Variants in ZNF385D observed in about 807,000 individuals in gnomAD.
ZNF385D encodes the protein zinc finger protein 385D.
ZNF385D carries 15 observed loss-of-function variants against 35.8 expected under a neutral mutation model. That is an observed-to-expected ratio of 0.42 (90% CI 0.28 to 0.64). The LOEUF is 0.64. ZNF385D is among the 30% of genes least tolerant of loss of function. ZNF385D has a pLI of 0.23. For synonymous variants in ZNF385D, 212 were observed against 186.8 expected (o/e 1.13, Z -1.10); for missense variants, 474 against 494.6 (o/e 0.96, Z 0.39).
intron 2 of ZNF385D, among the ~76,000 whole-genome samples, chr3:22,369,582 T>G (rs910418731): frequency 3.9e-5 from 6 of 152,144 alleles, no homozygotes; most frequent in Admixed American, 6.5e-5. Context: ...ATCGTTAATT[T>G]CCCCAAGATT....
chr3:21,899,161 C>A (rs1305565330), intron 3 of ZNF385D, among the ~76,000 whole-genome samples: 2 of 151,994 alleles, frequency 1.3e-5, no homozygotes, highest in African/African-American at 4.8e-5. Flanking sequence ...CATATAGCAT[C>A]TAGATGCCAA....
At chr3:21,561,020 C>G (rs11915728) in intron 3 of ZNF385D, among the ~76,000 whole-genome samples, 1 of 152,172 alleles carries the variant, frequency 6.6e-6, no homozygotes, top group Non-Finnish European at 1.5e-5. Flanking sequence ...CATCCCAGGT[C>G]GACCTCAGAC....
chr3:21,531,228 T>C (rs1446110605), intron 3 of ZNF385D, among the ~76,000 whole-genome samples: 1 of 152,150 alleles, frequency 6.6e-6, no homozygotes, highest in African/African-American at 2.4e-5. Context: ...CCTATCAGAA[T>C]GGTCAAAATT....
intron 3 of ZNF385D, among the ~76,000 whole-genome samples, chr3:22,121,639 G>C (rs1703092304): frequency 6.7e-6 from 1 of 149,974 alleles, no homozygotes; most frequent in South Asian, 2.1e-4. Context: ...TCCTGGGCTT[G>C]CAAAACTTAG....
At chr3:21,717,927 C>G (rs2125438828) in intron 1 of ZNF385D, among the ~76,000 whole-genome samples, 1 of 152,258 alleles carries the variant, frequency 6.6e-6, no homozygotes, top group South Asian at 2.1e-4. Flanking sequence ...CAAAGCTTCT[C>G]AAATTCTCGT....
chr3:22,162,649 G>C (rs975313474), intron 3 of ZNF385D, among the ~76,000 whole-genome samples: 3 of 152,152 alleles, frequency 2.0e-5, no homozygotes, highest in Non-Finnish European at 2.9e-5. Context: ...GCAGTAGGCA[G>C]CCATTCTTTC....
intron 3 of ZNF385D, among the ~76,000 whole-genome samples, chr3:21,817,336 G>A (rs564591622): frequency 6.6e-6 from 1 of 152,134 alleles, no homozygotes; most frequent in African/African-American, 2.4e-5. Flanking sequence ...AGACAAATGG[G>A]ATCTAATTAA....
chr3:21,825,512 G>T (rs538917764), intron 3 of ZNF385D, among the ~76,000 whole-genome samples: 1 of 143,722 alleles, frequency 7.0e-6, no homozygotes, highest in African/African-American at 2.6e-5. Context: ...AGGTGGTTCC[G>T]GGGTTCTTTC....
intron 3 of ZNF385D, among the ~76,000 whole-genome samples, chr3:21,807,408 C>T (rs930944915): frequency 6.6e-6 from 1 of 152,046 alleles, no homozygotes; most frequent in Admixed American, 6.6e-5. Flanking sequence ...ATGGTGTAAA[C>T]AATTGCAATC....
At chr3:22,210,059 G>C (rs565412463) in intron 2 of ZNF385D, among the ~76,000 whole-genome samples, 1 of 151,600 alleles carries the variant, frequency 6.6e-6, no homozygotes, top group Admixed American at 6.6e-5. Context: ...TGAAATAAAA[G>C]AAACCTATAG....
At chr3:21,456,072 A>G (rs1038699710) in intron 4 of ZNF385D, among the ~76,000 whole-genome samples, 12 of 152,220 alleles carry the variant, frequency 7.9e-5, no homozygotes, top group African/African-American at 2.9e-4. Context: ...TGTTCATTAA[A>G]AAGTCAGGAA....
At position 22,091,948 on chromosome 3, in the gene ZNF385D, A is replaced by G. The variant is rs548106314; in HGVS notation, c.325+76869T>C. The stretch of plus-strand genomic sequence containing the variant: ...GAGTAATTAATATAGCTAGTAATGG[A>G]TACAATGACTGTTGGGACTGTGTCA... On this transcript the variant is annotated intron_variant, in intron 3 of 5. Transcript: ENST00000494108. Among the ~76,000 whole-genome samples, 3 of 152,308 alleles carry G rather than the reference A, an allele frequency of 2.0e-5. No homozygotes were observed. The East Asian group carries it at 5.8e-4, about 29-fold the overall frequency.
At chr3:22,114,120 A>G (rs1384138541) in intron 3 of ZNF385D, among the ~76,000 whole-genome samples, 1 of 152,138 alleles carries the variant, frequency 6.6e-6, no homozygotes, top group Non-Finnish European at 1.5e-5. Context: ...GAAAATTTAC[A>G]GTAACTGGAT....
chr3:21,485,005 C>A (rs1309808499), intron 4 of ZNF385D, among the ~76,000 whole-genome samples: 1 of 152,130 alleles, frequency 6.6e-6, no homozygotes, highest in Non-Finnish European at 1.5e-5. Flanking sequence ...GACAGTCCTA[C>A]CTCTCTCCCT....
chr3:21,772,188 C>G (rs181200787), intron 3 of ZNF385D, among the ~76,000 whole-genome samples: 1 of 151,918 alleles, frequency 6.6e-6, no homozygotes, highest in East Asian at 1.9e-4. Flanking sequence ...TTGGATATCA[C>G]AGAAAAGGCA....
chr3:21,896,199 G>A lies in ZNF385D; in HGVS notation c.326-231171C>T, dbSNP rs111290513. Among the ~76,000 whole-genome samples, 3 of 152,152 alleles carry A rather than the reference G, an allele frequency of 2.0e-5. 1 individual carries two copies. The highest frequency in any genetic ancestry group is 7.2e-5 in the African/African-American group (3 of 41,500). On this transcript the variant is annotated intron_variant, in intron 3 of 5. Coordinates refer to the ZNF385D transcript ENST00000494108. ...ATGGAAACCAGAAAAAAAGAAGCTT[G>A]GGATGCCTGTAATTACATCACCTGA... is the stretch of plus-strand genomic sequence containing the variant.
intron 4 of ZNF385D, among the ~76,000 whole-genome samples, chr3:21,498,670 T>C (rs1241225603): frequency 6.6e-6 from 1 of 151,978 alleles, no homozygotes; most frequent in East Asian, 1.9e-4. Flanking sequence ...CTCACACTGG[T>C]CAGAATGGCT....
rs530861072 is a variant in ZNF385D at position 21,770,818 on chromosome 3, A to G, written c.326-105790T>C. On this transcript the variant is annotated intron_variant, in intron 3 of 5. Coordinates refer to the ZNF385D transcript ENST00000494108. ...TGTTTATTGCGGTACTACTCACAAT[A>G]GCAAAGACTTGGAACCAACCCAAAT... Among the ~76,000 whole-genome samples, 6 of 152,330 alleles carry G rather than the reference A, an allele frequency of 3.9e-5. No individual in the cohort carries two copies. The South Asian group carries it at 1.2e-3, about 32-fold the overall frequency.
chr3:21,704,462 T>G (rs769128069), intron 1 of ZNF385D, among the ~76,000 whole-genome samples: 4 of 152,154 alleles, frequency 2.6e-5, no homozygotes, highest in Non-Finnish European at 5.9e-5. Context: ...TACCCCATGT[T>G]ATTTCATAGC....
Sources: allele counts gnomAD v4.1 joint callset (sites outside exome capture counted in the v4.1 genomes callset), GRCh38; gene constraint gnomAD v4.1.1; transcripts MANE v1.5; gene names NCBI Gene and HGNC (gene_info 2026-07-23, HGNC 2026-07-21).